Variants in LRP2 observed in about 807,000 individuals in gnomAD.
LRP2 encodes the protein low-density lipoprotein receptor-related protein 2.
In LRP2, 172 loss-of-function variants were observed where a neutral mutation model predicts 531.0. The ratio of observed to expected loss-of-function variants is 0.32; its 90% confidence interval spans 0.29 to 0.37. The LOEUF is 0.37. Among genes scored for constraint, LRP2 ranks in the 10% least tolerant of loss-of-function variants. The pLI is 1.00. For missense variants in LRP2, 5,167 were observed against 5,868.3 expected (o/e 0.88, Z 3.90); for synonymous variants, 1,992 against 2,027.6 (o/e 0.98, Z 0.47).
In LRP2 at chr2:169,248,903, ACC is replaced by A. The variant is rs1195639686; in HGVS notation, c.2771-1390_2771-1389del. Reference sequence around the variant, plus strand: ...GCACCTGGAAAATCGGGTCACTCCCACCCGAATATTGCGCTTTTCAGACCGGC... The same window carrying A: ...GCACCTGGAAAATCGGGTCACTCCCACGAATATTGCGCTTTTCAGACCGGC... On this transcript the variant is annotated intron_variant, in intron 19 of 78. Coordinates refer to ENST00000649046, the MANE Select transcript of LRP2 (RefSeq NM_004525.3). Among the ~76,000 whole-genome samples, 7 of 97,890 alleles carry A rather than the reference ACC, an allele frequency of 7.2e-5. No homozygotes were observed. In the East Asian group the frequency reaches 1.8e-3, roughly 25 times the overall value. 64.2% of individuals were successfully genotyped at this position (97,890 alleles called of 152,430 possible).
intron 1 of LRP2, among the ~76,000 whole-genome samples, chr2:169,338,199 A>T (rs1685458106): frequency 6.6e-6 from 1 of 150,582 alleles, no homozygotes; most frequent in Non-Finnish European, 1.5e-5. Context: ...AGAGAAAGAA[A>T]AGAAAGAAAA....
chr2:169,145,984 C>A (rs1685891649), intron 69 of LRP2, 61 bp from the exon 70 acceptor site: 107 of 1,429,094 alleles, frequency 7.5e-5, no homozygotes, highest in Non-Finnish European at 1.1e-4. Context: ...ACCCACTACA[C>A]CCTACCGCCA....
chr2:169,331,607 T>C (rs988034636), intron 1 of LRP2, among the ~76,000 whole-genome samples: 1 of 152,178 alleles, frequency 6.6e-6, no homozygotes, highest in Non-Finnish European at 1.5e-5. Flanking sequence ...ACATCTTTCA[T>C]GGTAAAAGAG....
chr2:169,301,166 A>G (rs1684276345), intron 4 of LRP2, among the ~76,000 whole-genome samples: 1 of 152,140 alleles, frequency 6.6e-6, no homozygotes, highest in Admixed American at 6.6e-5. Flanking sequence ...CAATAGTTTT[A>G]TTCACACCAA....
At chr2:169,223,601 T>C (rs918156808) in intron 33 of LRP2, among the ~76,000 whole-genome samples, 31 of 152,192 alleles carry the variant, frequency 2.0e-4, no homozygotes, top group African/African-American at 7.2e-4. Context: ...CCAGTCTGGA[T>C]TGCCGGAGTT....
intron 12 of LRP2, among the ~76,000 whole-genome samples, chr2:169,279,006 AT>A (rs1390873361): frequency 6.6e-6 from 1 of 152,218 alleles, no homozygotes; most frequent in East Asian, 1.9e-4. Context: ...AATCATCTTA[AT>A]AATAATGAAG....
At chr2:169,256,280 CA>C in intron 18 of LRP2, 44 bp from the exon 19 acceptor site, 1 of 1,573,844 alleles carries the variant, frequency 6.4e-7, no homozygotes, top group Non-Finnish European at 8.7e-7. Context: ...CAAAAACTAT[CA>C]GAGCACCCTT....
At chr2:169,339,979 A>ATCTGTACTATATAAGG (rs1685520482) in intron 1 of LRP2, among the ~76,000 whole-genome samples, 1 of 152,206 alleles carries the variant, frequency 6.6e-6, no homozygotes, top group Non-Finnish European at 1.5e-5. Flanking sequence ...TATGGTATGC[A>ATCTGTACTATATAAGG]TCTGTACTAT....
chr2:169,227,409 A>T (rs902838050), intron 31 of LRP2, among the ~76,000 whole-genome samples: 11 of 152,342 alleles, frequency 7.2e-5, no homozygotes, highest in African/African-American at 2.6e-4. Context: ...CAGTTCACTT[A>T]TCTCCTTAAT....
At chr2:169,235,005 G>C (rs1224243060) in intron 29 of LRP2, among the ~76,000 whole-genome samples, 2 of 151,164 alleles carry the variant, frequency 1.3e-5, no homozygotes, top group African/African-American at 4.9e-5. Context: ...GACCTCCCTG[G>C]GTTCAGGCAA....
chr2:169,307,722 C>T (rs561844063), intron 3 of LRP2, among the ~76,000 whole-genome samples: 1 of 152,152 alleles, frequency 6.6e-6, no homozygotes, highest in African/African-American at 2.4e-5. Flanking sequence ...CCAAGGACCC[C>T]CAACCCACCC....
intron 13 of LRP2, among the ~76,000 whole-genome samples, chr2:169,276,690 C>CT (rs1683563422): frequency 6.6e-6 from 1 of 152,058 alleles, no homozygotes; most frequent in East Asian, 1.9e-4. Flanking sequence ...TATAATATTG[C>CT]TTTCATTGAG....
intron 67 of LRP2, among the ~76,000 whole-genome samples, 185 bp from the exon 68 acceptor site, chr2:169,151,211 T>A (rs1412340711): frequency 1.3e-5 from 2 of 152,044 alleles, no homozygotes; most frequent in African/African-American, 4.8e-5. Context: ...CAGGTTACAC[T>A]TGGAAGAGTA....
chr2:169,234,298 GC>G (rs1454029060), intron 29 of LRP2, among the ~76,000 whole-genome samples: 1 of 151,310 alleles, frequency 6.6e-6, no homozygotes, highest in East Asian at 1.9e-4. Context: ...CCCTCCCCTT[GC>G]CCCCACCCAC....
At chr2:169,332,011 G>C (rs189323540) in intron 1 of LRP2, among the ~76,000 whole-genome samples, 13 of 152,316 alleles carry the variant, frequency 8.5e-5, no homozygotes, top group African/African-American at 2.9e-4. Flanking sequence ...CATCAAATTA[G>C]GGTTTTCCTG....
At chr2:169,294,535 G>T in intron 5 of LRP2, 65 bp downstream of exon 5, 2 of 1,137,540 alleles carry the variant, frequency 1.8e-6, no homozygotes, top group Non-Finnish European at 2.7e-6. Flanking sequence ...TGTACATATT[G>T]GCTCTCTCAA....
intron 5 of LRP2, 93 bp downstream of exon 5, chr2:169,294,507 C>A (rs778763498): frequency 1.0e-6 from 1 of 952,932 alleles, no homozygotes; most frequent in Middle Eastern, 2.1e-4. Flanking sequence ...ATTCACTGAA[C>A]CTGAACTTGG....
At chr2:169,144,104 G>T (rs1685822154) in intron 70 of LRP2, among the ~76,000 whole-genome samples, 1 of 152,150 alleles carries the variant, frequency 6.6e-6, no homozygotes, top group South Asian at 2.1e-4. Context: ...CTCCCATAAG[G>T]ATCCCAAGAC....
chr2:169,153,776 C>T lies in LRP2; in HGVS notation c.12295+684G>A, dbSNP rs576428471. ...CAGGCACAGAAGACAAGTTTTCTGA[C>T]TCCTACCCTACTGTCATCTCCCCCA... On this transcript the variant is annotated intron_variant, in intron 66 of 78. Transcript: ENST00000649046. Among the ~76,000 whole-genome samples the T allele has an allele frequency of 5.6e-4, 85 of 152,258 alleles. 1 individual carries two copies. Among genetic ancestry groups the T allele is most frequent in the African/African-American group, 2.0e-3 (84 of 41,564 alleles).
Sources: allele counts gnomAD v4.1 joint callset (sites outside exome capture counted in the v4.1 genomes callset), GRCh38; gene constraint gnomAD v4.1.1; transcripts MANE v1.5; gene names NCBI Gene and HGNC (gene_info 2026-07-23, HGNC 2026-07-21).